Variants in MAP4K4 observed in about 807,000 individuals in gnomAD.
The protein encoded by MAP4K4 is HPK/GCK-like kinase HGK.
Under a neutral mutation model 189.6 loss-of-function variants are expected in MAP4K4, and 38 were observed. The observed-to-expected ratio is 0.20, with a 90% CI of 0.15 to 0.26. MAP4K4 has a LOEUF of 0.26. MAP4K4 is among the 10% of genes least tolerant of loss of function. MAP4K4 has a pLI of 1.00. For synonymous variants in MAP4K4, 610 were observed against 624.3 expected (o/e 0.98, Z 0.34); for missense variants, 1,054 against 1,726.9 (o/e 0.61, Z 6.91).
chr2:101,704,496 T>C (rs1296732845), intron 2 of MAP4K4, among the ~76,000 whole-genome samples: 2 of 148,748 alleles, frequency 1.3e-5, no homozygotes, highest in East Asian at 3.9e-4. Flanking sequence ...ACTCGTATTT[T>C]GCCTTTTTTC....
chr2:101,795,775 T>C (rs901211220), intron 3 of MAP4K4, among the ~76,000 whole-genome samples: 1 of 152,224 alleles, frequency 6.6e-6, no homozygotes, highest in Non-Finnish European at 1.5e-5. Flanking sequence ...CCAGAATTTC[T>C]TAATTTCTTG....
intron 26 of MAP4K4, among the ~76,000 whole-genome samples, chr2:101,874,753 C>G (rs2098150029): frequency 6.6e-6 from 1 of 152,144 alleles, no homozygotes; most frequent in Non-Finnish European, 1.5e-5. Context: ...AGTGACTATT[C>G]TTTTGACTAT....
chr2:101,873,787 A>G (rs1041622241), intron 25 of MAP4K4, 23 bp downstream of exon 25: 2 of 1,503,366 alleles, frequency 1.3e-6, no homozygotes, highest in African/African-American at 1.4e-5. Flanking sequence ...GCAACAAGAA[A>G]GCAGCTGACA....
intron 2 of MAP4K4, among the ~76,000 whole-genome samples, chr2:101,774,434 T>G (rs548218472): frequency 1.3e-5 from 2 of 152,236 alleles, no homozygotes; most frequent in African/African-American, 2.4e-5. Context: ...TAGCGTTGTT[T>G]GAGCTCTGTA....
intron 2 of MAP4K4, among the ~76,000 whole-genome samples, chr2:101,737,361 A>G (rs1293252465): frequency 6.8e-6 from 1 of 146,598 alleles, no homozygotes; most frequent in Non-Finnish European, 1.5e-5. Context: ...ACATGGTTCC[A>G]AAGAACTTAG....
At chr2:101,803,230 T>TTGA (rs201605383) in intron 3 of MAP4K4, among the ~76,000 whole-genome samples, 16 of 144,610 alleles carry the variant, frequency 1.1e-4, no homozygotes, top group African/African-American at 2.6e-4. Context: ...ATATGCTTGG[T>TTGA]TGATGATGAT....
At chr2:101,805,192 C>G (rs1165123526) in intron 3 of MAP4K4, among the ~76,000 whole-genome samples, 1 of 151,808 alleles carries the variant, frequency 6.6e-6, no homozygotes, top group Non-Finnish European at 1.5e-5. Flanking sequence ...GTACATAACT[C>G]TTCAATGGAC....
At chr2:101,740,438 G>A (rs2062195657) in intron 2 of MAP4K4, among the ~76,000 whole-genome samples, 1 of 102,528 alleles carries the variant, frequency 9.8e-6, no homozygotes, top group African/African-American at 1.6e-4. Flanking sequence ...ACAGGCGTGA[G>A]CCACCGCGCC....
chr2:101,820,490 TG>T (rs1340016680), intron 3 of MAP4K4, among the ~76,000 whole-genome samples: 4 of 152,262 alleles, frequency 2.6e-5, no homozygotes, highest in Non-Finnish European at 5.9e-5. Context: ...ACAGATTTAC[TG>T]ACTTTTGGAT....
At chr2:101,825,683 T>C (rs1259469050) in intron 5 of MAP4K4, among the ~76,000 whole-genome samples, 1 of 152,210 alleles carries the variant, frequency 6.6e-6, no homozygotes, top group Non-Finnish European at 1.5e-5. Context: ...CATCATGACA[T>C]ACCTATTGGC....
chr2:101,760,558 G>A lies in MAP4K4; in HGVS notation c.124-30162G>A, dbSNP rs866222163. Among the ~76,000 whole-genome samples, 184 of 140,454 alleles carry A rather than the reference G, an allele frequency of 1.3e-3. 2 individuals carry two copies. Among genetic ancestry groups the A allele is most frequent in the African/African-American group, 4.5e-3 (166 of 36,808 alleles). 92.1% of individuals were successfully genotyped at this position (140,454 alleles called of 152,430 possible). On this transcript the variant is annotated intron_variant, in intron 2 of 32. Coordinates refer to ENST00000324219, the Ensembl canonical transcript of MAP4K4. ...TGTGTGTGTGTGTGTGTGTGTGTGT[G>A]TATATGTATTTATATTCTCACACTA...
chr2:101,746,775 GT>G (rs1199000865), intron 2 of MAP4K4, among the ~76,000 whole-genome samples: 4 of 150,792 alleles, frequency 2.7e-5, no homozygotes, highest in Admixed American at 1.3e-4. Context: ...CCTTAAGTTT[GT>G]TTTTTTTTCC....
chr2:101,844,197 A>G, exon 12 of MAP4K4: 1 of 1,609,080 alleles, frequency 6.2e-7, no homozygotes, highest in Non-Finnish European at 8.5e-7. Context: ...TTCGGAGACA[A>G]CAGTTACTAC....
chr2:101,823,979 C>A (rs1216879809), exon 4 of MAP4K4: 1 of 1,609,448 alleles, frequency 6.2e-7, no homozygotes, highest in African/African-American at 1.3e-5. Flanking sequence ...GAAATACTCT[C>A]ATCACAGAAA....
exon 10 of MAP4K4, chr2:101,839,945 C>T (rs1559143688): frequency 1.2e-6 from 2 of 1,613,780 alleles, no homozygotes; most frequent in Non-Finnish European, 1.7e-6. Flanking sequence ...AAGTTAGAAT[C>T]CAGCTTAAGG....
intron 3 of MAP4K4, among the ~76,000 whole-genome samples, chr2:101,810,918 A>G (rs1197791219): frequency 4.6e-5 from 7 of 152,226 alleles, no homozygotes; most frequent in Admixed American, 3.9e-4. Context: ...GCACAAGTCT[A>G]TAAGCATCCA....
chr2:101,804,184 A>G (rs2094667266), intron 3 of MAP4K4, among the ~76,000 whole-genome samples: 1 of 152,190 alleles, frequency 6.6e-6, no homozygotes, highest in Non-Finnish European at 1.5e-5. Flanking sequence ...AACTCTGTGC[A>G]CTAACAGGGA....
chr2:101,809,678 A>G (rs12468899), intron 3 of MAP4K4, among the ~76,000 whole-genome samples: 114,212 of 152,120 alleles, frequency 0.75, 43,336 homozygotes, highest in African/African-American at 0.88. Flanking sequence ...GCTTAGTTAA[A>G]GTGGTTCAGC....
At chr2:101,888,670 AG>A in intron 31 of MAP4K4, 125 bp from the exon 32 acceptor site, 1 of 585,978 alleles carries the variant, frequency 1.7e-6, no homozygotes, top group African/African-American at 1.9e-5. Flanking sequence ...CTTAAATGCT[AG>A]GCATTTAAAT....
Sources: gnomAD v4.1 joint callset for allele counts (sites outside exome capture counted in the v4.1 genomes callset) on GRCh38, gnomAD v4.1.1 for gene constraint, MANE v1.5 for transcripts, NCBI Gene and HGNC (gene_info 2026-07-23, HGNC 2026-07-21) for gene names.